The following E2F8 variants were observed in gnomAD, a reference collection of about 807,000 sequenced individuals.
E2F8 encodes the protein transcription factor E2F8.
E2F8 carries 35 observed loss-of-function variants against 80.8 expected under a neutral mutation model. The observed-to-expected ratio is 0.43, with a 90% CI of 0.33 to 0.57. The LOEUF is 0.57. Ranked by LOEUF, E2F8 falls within the 20% of genes least tolerant of loss-of-function variation. The pLI is 0.04. For synonymous variants in E2F8, 386 were observed against 395.0 expected (o/e 0.98, Z 0.27); for missense variants, 975 against 1,056.2 (o/e 0.92, Z 1.07).
chr11:19,226,734 G>T (rs1851247280), intron 10 of E2F8, among the ~76,000 whole-genome samples: 1 of 152,160 alleles, frequency 6.6e-6, no homozygotes, highest in South Asian at 2.1e-4. Context: ...GCCCTTTAAA[G>T]AACGTTTGCT....
At chr11:19,237,774 T>C (rs1851558394) in intron 3 of E2F8, 80 bp downstream of exon 3, 3 of 1,519,012 alleles carry the variant, frequency 2.0e-6, no homozygotes, top group South Asian at 1.3e-5. Context: ...TTTAAATTGC[T>C]GGCACTTCTC....
In E2F8 at chr11:19,234,730, C is replaced by A; in HGVS notation, c.766+14G>T. 6.3e-7 allele frequency: 1 copy of A among 1,598,186 alleles called. No homozygotes were observed. Among genetic ancestry groups the A allele is most frequent in the Non-Finnish European group, 8.5e-7 (1 of 1,171,782 alleles). ...AATGCCATGCCGCCTGGAGTTTTCACTACCATCTCTCACCTGCCCGAAATT... is the reference window on the plus strand; with the variant it reads ...AATGCCATGCCGCCTGGAGTTTTCAATACCATCTCTCACCTGCCCGAAATT... On this transcript the variant is annotated intron_variant, in intron 5 of 12. Coordinates refer to ENST00000250024, the MANE Select transcript of E2F8 (RefSeq NM_024680.4).
intron 4 of E2F8, among the ~76,000 whole-genome samples, chr11:19,236,646 T>C (rs564780858): frequency 3.9e-5 from 6 of 152,358 alleles, no homozygotes; most frequent in African/African-American, 1.2e-4. Context: ...AAACATGTAT[T>C]AGAAGGGCAA....
intron 4 of E2F8, among the ~76,000 whole-genome samples, chr11:19,235,453 C>T (rs1046340184): frequency 6.6e-6 from 1 of 152,176 alleles, no homozygotes; most frequent in African/African-American, 2.4e-5. Context: ...TGGAGACCAT[C>T]CTGGCTAACA....
chr11:19,230,264 T>A lies in E2F8; in HGVS notation c.1335A>T (p.Lys445Asn). The change falls in exon 9 of 13, where the codon AAA becomes AAT. Residue 445 changes from lysine (K) to asparagine (N), a missense_variant. Physicochemically the swap from Lys to Asn is moderately conservative, Grantham distance 94 (BLOSUM62 0). Transcript: ENST00000250024. ...SKMAQLAAIC[K>N]MQLEEQSSES... ...ACCTTGATTGCTCTTCTAACTGCAT[T>A]TTACAAATAGCTGCGAGCTGAGCCA... 1.9e-6 allele frequency: 3 copies of A among 1,613,752 alleles called. No homozygotes were observed. The highest frequency in any genetic ancestry group is 2.5e-6 in the Non-Finnish European group (3 of 1,179,940).
chr11:19,225,227 T>C lies in E2F8; in HGVS notation c.2415A>G (p.Ala805=). 1.2e-6 allele frequency: 2 copies of C among 1,613,200 alleles called. No individual in the cohort carries two copies. The highest frequency in any genetic ancestry group is 1.7e-6 in the Non-Finnish European group (2 of 1,179,938). Residue 805 remains alanine, a synonymous_variant, in exon 12 of 13, where the codon GCA becomes GCG. Coordinates refer to ENST00000250024, the MANE Select transcript of E2F8 (RefSeq NM_024680.4). The part of the protein sequence containing the change: ...PNGQSVAVTG[A]QQPVPVTPKG... ...TAAGTAGAAAGCCTCTCACCTGTTG[T>C]GCCCCTGTCACAGCAACTGATTGTC...
chr11:19,228,759 C>T (rs1392637339), intron 10 of E2F8, among the ~76,000 whole-genome samples: 1 of 152,082 alleles, frequency 6.6e-6, no homozygotes, highest in Non-Finnish European at 1.5e-5. Context: ...TATAATTGTC[C>T]TAAGGGAGGA....
intron 6 of E2F8, among the ~76,000 whole-genome samples, chr11:19,233,869 T>A (rs1275641969): frequency 6.6e-6 from 1 of 151,606 alleles, no homozygotes; most frequent in Non-Finnish European, 1.5e-5. Context: ...CCAGGCGCAG[T>A]GGCTCAGGCC....
chr11:19,239,408 C>CTCT (rs1851603715), intron 2 of E2F8, among the ~76,000 whole-genome samples: 1 of 152,244 alleles, frequency 6.6e-6, no homozygotes, highest in African/African-American at 2.4e-5. Context: ...AATAGTAATT[C>CTCT]TCTTATTTGA....
At chr11:19,230,083 G>A in intron 9 of E2F8, 95 bp from the exon 10 acceptor site, 5 of 1,541,252 alleles carry the variant, frequency 3.2e-6, no homozygotes, top group Non-Finnish European at 4.4e-6. Context: ...ACGCTTTTAT[G>A]GAACATGCAG....
At chr11:19,234,226 G>T in intron 6 of E2F8, 134 bp downstream of exon 6, 1 of 939,528 alleles carries the variant, frequency 1.1e-6, no homozygotes. Context: ...ATGGCTTCTG[G>T]GGAGAAGATA....
intron 4 of E2F8, among the ~76,000 whole-genome samples, chr11:19,236,128 C>T (rs900166814): frequency 5.9e-5 from 9 of 152,116 alleles, no homozygotes; most frequent in African/African-American, 1.9e-4. Flanking sequence ...TGCATCCTAC[C>T]GACCTCTTGC....
rs748697002 is a variant in E2F8, at chr11:19,225,624, A to G, written c.2027-9T>C. ...TGTCACTGGAATAACACCTGGAAGG[A>G]AAAGGGGGAAGATATCTTAAAAGCA... On this transcript the variant is annotated splice_polypyrimidine_tract_variant and intron_variant, in intron 11 of 12. Transcript: ENST00000250024. 10 of 1,611,870 alleles carry G rather than the reference A, an allele frequency of 6.2e-6. No individual in the cohort carries two copies. Among genetic ancestry groups the G allele is most frequent in the Non-Finnish European group, 8.5e-6 (10 of 1,178,172 alleles).
At chr11:19,234,147 A>AAC in intron 6 of E2F8, among the ~76,000 whole-genome samples, 1 of 146,804 alleles carries the variant, frequency 6.8e-6, no homozygotes, top group Non-Finnish European at 1.5e-5. Context: ...ACTCCGTCTA[A>AAC]AAAAAAAAAA....
rs1173518593 is a variant in E2F8, at chr11:19,229,039, G to T, written c.1893+415C>A. The stretch of plus-strand genomic sequence containing the variant: ...GGAGCAATTTATCTTCTAGGCAACA[G>T]ATGCCAGTTACATGACAACAAACAA... On this transcript the variant is annotated intron_variant, in intron 10 of 12. Coordinates refer to ENST00000250024, the MANE Select transcript of E2F8 (RefSeq NM_024680.4). This position sits in a 1 kb window ranked among gnomAD's most constrained non-coding sequence, Gnocchi z 4.3. Among the ~76,000 whole-genome samples the T allele has an allele frequency of 6.6e-6, 1 of 152,214 alleles. No individual in the cohort carries two copies. Among genetic ancestry groups the T allele is most frequent in the African/African-American group, 2.4e-5 (1 of 41,450 alleles).
rs1237223462 is a variant in E2F8 at position 19,225,564 on chromosome 11, A to G, written c.2078T>C (p.Phe693Ser). ...SELTAVNFPS[F>S]HVTPLKLMVS... ...CATTAGCTTCAACGGTGTTACATGA[A>G]AAGAGGGAAAATTAACAGCAGTGAG... is the stretch of plus-strand genomic sequence containing the variant. Residue 693 changes from phenylalanine to serine, a missense_variant, in exon 12 of 13, where the codon TTT becomes TCT. Transcript: ENST00000250024. 5.0e-6 allele frequency: 8 copies of G among 1,614,234 alleles called. No individual in the cohort carries two copies. Among genetic ancestry groups the G allele is most frequent in the Non-Finnish European group, 5.9e-6 (7 of 1,180,036 alleles).
At position 19,224,529 on chromosome 11, in the gene E2F8, G is replaced by C; in HGVS notation, c.*129C>G. On this transcript the variant is annotated 3_prime_UTR_variant, in exon 13 of 13. Coordinates refer to ENST00000250024, the MANE Select transcript of E2F8 (RefSeq NM_024680.4). ...TATATATGTATGAAAACAACTATCT[G>C]ATTTCACATTGAACAAATCCCCAAC... 1.3e-6 allele frequency: 1 copy of C among 779,392 alleles called. No homozygotes were observed. The highest frequency in any genetic ancestry group is 2.7e-5 in the East Asian group (1 of 36,484). The allele number at this position is 779,392 out of a possible 1,614,324, so 48.3% of individuals were successfully genotyped here.
chr11:19,232,033 CG>C (rs1851396174), intron 7 of E2F8, among the ~76,000 whole-genome samples, 200 bp downstream of exon 7: 1 of 152,072 alleles, frequency 6.6e-6, no homozygotes, highest in Non-Finnish European at 1.5e-5. Context: ...CTGTGGGACA[CG>C]GATGGAGCTG....
Position 19,229,649 on chromosome 11 carries a change from T to C in E2F8, c.1698A>G (p.Ala566=), listed in dbSNP as rs766431728. The C allele has an allele frequency of 2.5e-6, 4 of 1,614,210 alleles. No individual in the cohort carries two copies. The South Asian group carries it at 4.4e-5, about 18-fold the overall frequency. The change falls in exon 10 of 13, where the codon GCA becomes GCG. Residue 566 remains alanine (A), a synonymous_variant. Coordinates refer to ENST00000250024, the MANE Select transcript of E2F8 (RefSeq NM_024680.4). This position sits in a 1 kb window ranked among gnomAD's most constrained non-coding sequence, Gnocchi z 4.3. ...CACTGGCCTTTGAGGTATCATTGGC[T>C]GCCTTCTCAGTGGTGGCATCTGTGG... ...KDSTDATTEK[A]ANDTSKASAS...
Sources: allele counts gnomAD v4.1 joint callset (sites outside exome capture counted in the v4.1 genomes callset), GRCh38; gene constraint gnomAD v4.1.1; non-coding constraint Gnocchi (gnomAD v3.1); transcripts MANE v1.5; gene names NCBI Gene and HGNC (gene_info 2026-07-23, HGNC 2026-07-21).